Variants in PTPN12 observed in about 807,000 individuals in gnomAD.
The protein encoded by PTPN12 is protein tyrosine phosphatase non-receptor type 12.
Under a neutral mutation model 97.6 loss-of-function variants are expected in PTPN12, and 29 were observed. The observed-to-expected ratio is 0.30, with a 90% CI of 0.22 to 0.41. The LOEUF is 0.41. Among genes scored for constraint, PTPN12 ranks in the 10% least tolerant of loss-of-function variants. The pLI is 1.00. For synonymous variants in PTPN12, 327 were observed against 300.4 expected, an observed-to-expected ratio of 1.09 and a Z score of -0.91; for missense variants, 819 against 926.0, an observed-to-expected ratio of 0.88 and a Z score of 1.50.
intron 12 of PTPN12, among the ~76,000 whole-genome samples, chr7:77,623,256 T>C (rs1215242464): frequency 6.6e-6 from 1 of 152,232 alleles, no homozygotes; most frequent in Non-Finnish European, 1.5e-5. Context: ...TTAAAAACTT[T>C]GAAAATACTC....
intron 11 of PTPN12, among the ~76,000 whole-genome samples, chr7:77,613,095 T>A (rs1305204021): frequency 6.6e-6 from 1 of 151,594 alleles, no homozygotes; most frequent in African/African-American, 2.4e-5. Flanking sequence ...TTTTGTATAA[T>A]TTAATCTAAG....
At chr7:77,617,572 C>G (rs1788794869) in intron 11 of PTPN12, among the ~76,000 whole-genome samples, 1 of 152,132 alleles carries the variant, frequency 6.6e-6, no homozygotes. Context: ...AAACAAAATG[C>G]AGCTACGGTT....
chr7:77,638,772 C>A, intron 17 of PTPN12, 41 bp downstream of exon 17: 1 of 1,561,824 alleles, frequency 6.4e-7, no homozygotes, highest in Non-Finnish European at 8.6e-7. Flanking sequence ...GTAGTTAACA[C>A]TGGCAGGAAT....
chr7:77,540,625 C>T (rs1172451052), intron 1 of PTPN12, among the ~76,000 whole-genome samples: 1 of 150,192 alleles, frequency 6.7e-6, no homozygotes, highest in Non-Finnish European at 1.5e-5. Context: ...GATTTGATGA[C>T]TAAGGCTATT....
intron 8 of PTPN12, among the ~76,000 whole-genome samples, chr7:77,603,221 T>C (rs1427409052): frequency 6.6e-6 from 1 of 152,236 alleles, no homozygotes; most frequent in Non-Finnish European, 1.5e-5. Flanking sequence ...AAGAAATTGC[T>C]TTCACTTTGA....
intron 5 of PTPN12, among the ~76,000 whole-genome samples, chr7:77,589,176 G>A (rs1335919206): frequency 1.3e-5 from 2 of 152,068 alleles, no homozygotes; most frequent in Non-Finnish European, 2.9e-5. Flanking sequence ...GTAATCCACC[G>A]CACCAGGCCT....
intron 1 of PTPN12, among the ~76,000 whole-genome samples, chr7:77,569,284 A>G (rs1418573256): frequency 2.0e-5 from 3 of 152,192 alleles, no homozygotes; most frequent in Admixed American, 2.0e-4. Context: ...CACTGTGTAT[A>G]TAATGTACAC....
chr7:77,609,725 A>T (rs1036816341), intron 9 of PTPN12, among the ~76,000 whole-genome samples: 3 of 101,650 alleles, frequency 3.0e-5, no homozygotes, highest in South Asian at 2.3e-4. Context: ...CTAAAAATAT[A>T]AAAAAAATCG....
At chr7:77,585,434 G>C (rs914446491) in intron 4 of PTPN12, 109 bp from the exon 5 acceptor site, 1 of 874,066 alleles carries the variant, frequency 1.1e-6, no homozygotes, top group Non-Finnish European at 1.8e-6. Flanking sequence ...TTTTAGGCAA[G>C]CCAATTATAC....
At chr7:77,615,696 G>T (rs1486508437) in intron 11 of PTPN12, among the ~76,000 whole-genome samples, 2 of 152,194 alleles carry the variant, frequency 1.3e-5, no homozygotes, top group Non-Finnish European at 2.9e-5. Context: ...GGCTGCAGAG[G>T]TATGATCATG....
At chr7:77,618,591 T>G (rs1266244767) in intron 12 of PTPN12, 26 bp downstream of exon 12, 5 of 1,450,084 alleles carry the variant, frequency 3.4e-6, no homozygotes, top group Non-Finnish European at 3.8e-6. Flanking sequence ...GAACATTTTC[T>G]TTAAAAGCAT....
intron 1 of PTPN12, among the ~76,000 whole-genome samples, chr7:77,554,124 C>T (rs147469817): frequency 6.6e-6 from 1 of 152,220 alleles, no homozygotes; most frequent in African/African-American, 2.4e-5. Flanking sequence ...TGCCACCAAC[C>T]CTCAAGTAAT....
At chr7:77,557,065 C>T (rs1562709882) in intron 1 of PTPN12, among the ~76,000 whole-genome samples, 1 of 152,064 alleles carries the variant, frequency 6.6e-6, no homozygotes, top group Non-Finnish European at 1.5e-5. Context: ...CTCGTGGCCT[C>T]ATGTGATCCT....
intron 16 of PTPN12, 49 bp from the exon 17 acceptor site, chr7:77,638,575 T>C (rs756249162): frequency 6.6e-7 from 1 of 1,513,684 alleles, no homozygotes. Context: ...TATATATATA[T>C]GATGCTACAA....
At chr7:77,599,541 G>T (rs1788128244) in intron 7 of PTPN12, among the ~76,000 whole-genome samples, 1 of 152,086 alleles carries the variant, frequency 6.6e-6, no homozygotes, top group South Asian at 2.1e-4. Context: ...CTTGCCTTTT[G>T]CATTGGCCAC....
intron 1 of PTPN12, among the ~76,000 whole-genome samples, chr7:77,546,049 G>A (rs866033659): frequency 2.6e-5 from 4 of 152,102 alleles, no homozygotes; most frequent in South Asian, 2.1e-4. Context: ...CTGCTGCCTC[G>A]GTCTCCTGAG....
intron 1 of PTPN12, among the ~76,000 whole-genome samples, chr7:77,564,746 G>GGTTTTTTTTTTTTTTTT (rs1808162192): frequency 4.4e-5 from 2 of 45,370 alleles, no homozygotes; most frequent in African/African-American, 1.8e-4. Flanking sequence ...TTGTTGTCGT[G>GGTTTTTTTTTTTTTTTT]TTTTTTTTTT....
chr7:77,598,026 A>G (rs1788075023), intron 7 of PTPN12, 125 bp downstream of exon 7: 8 of 1,270,814 alleles, frequency 6.3e-6, no homozygotes, highest in Non-Finnish European at 8.3e-6. Flanking sequence ...CCAGGGGTTC[A>G]AGACTAGCCT....
At chr7:77,580,782 A>C (rs1472380468) in intron 2 of PTPN12, among the ~76,000 whole-genome samples, 1 of 152,072 alleles carries the variant, frequency 6.6e-6, no homozygotes, top group Non-Finnish European at 1.5e-5. Flanking sequence ...ATTTGTTATA[A>C]TTTGCTTTTT....
Sources: allele counts gnomAD v4.1 joint callset (sites outside exome capture counted in the v4.1 genomes callset), GRCh38; gene constraint gnomAD v4.1.1; transcripts MANE v1.5; gene names NCBI Gene and HGNC (gene_info 2026-07-23, HGNC 2026-07-21).